Variants in NHSL1 observed in about 807,000 individuals in gnomAD.
NHSL1 encodes the protein NHS like 1.
A neutral mutation model predicts 95.0 loss-of-function variants in NHSL1; 48 were observed. That is an observed-to-expected ratio of 0.51 (90% CI 0.40 to 0.64). NHSL1 has a LOEUF of 0.64. Among genes scored for constraint, NHSL1 ranks in the 30% least tolerant of loss-of-function variants. The pLI, the probability that NHSL1 is intolerant of heterozygous loss-of-function variation, is 0.00. For missense variants in NHSL1, 1,971 were observed against 2,077.7 expected (o/e 0.95, Z 1.00); for synonymous variants, 783 against 833.9 (o/e 0.94, Z 1.05).
At chr6:138,554,397 C>G (rs1311632755) in intron 1 of NHSL1, among the ~76,000 whole-genome samples, 1 of 152,194 alleles carries the variant, frequency 6.6e-6, no homozygotes, top group South Asian at 2.1e-4. Context: ...CAACCTTCAA[C>G]TACAGAAACA....
intron 1 of NHSL1, among the ~76,000 whole-genome samples, chr6:138,663,262 G>C (rs1166879205): frequency 6.6e-6 from 1 of 152,032 alleles, no homozygotes; most frequent in Non-Finnish European, 1.5e-5. Flanking sequence ...ATATGTCTGT[G>C]TATATTAAAA....
At chr6:138,533,298 T>C (rs1782209787) in intron 1 of NHSL1, among the ~76,000 whole-genome samples, 1 of 152,182 alleles carries the variant, frequency 6.6e-6, no homozygotes, top group South Asian at 2.1e-4. Flanking sequence ...GGATGGTGGC[T>C]CACGCCTGTA....
At chr6:138,601,617 T>C (rs1336939658) in intron 1 of NHSL1, among the ~76,000 whole-genome samples, 3 of 151,974 alleles carry the variant, frequency 2.0e-5, no homozygotes, top group Admixed American at 6.6e-5. Flanking sequence ...ATCAAGACCA[T>C]CCTGGCCAAC....
chr6:138,498,966 C>CAAAA (rs1780516879), intron 1 of NHSL1, among the ~76,000 whole-genome samples: 1 of 152,166 alleles, frequency 6.6e-6, no homozygotes, highest in African/African-American at 2.4e-5. Context: ...AAACCCCAAT[C>CAAAA]ATAAATAAAT....
chr6:138,578,170 C>T (rs1334146083), intron 1 of NHSL1, among the ~76,000 whole-genome samples: 3 of 152,218 alleles, frequency 2.0e-5, no homozygotes, highest in African/African-American at 7.2e-5. Flanking sequence ...AAGGGAAAGA[C>T]TCAACACAAA....
chr6:138,445,437 C>A (rs12174378), intron 4 of NHSL1, among the ~76,000 whole-genome samples: 9,508 of 151,794 alleles, frequency 0.063, 797 homozygotes, highest in East Asian at 0.36. Context: ...AATATGATCT[C>A]GGTAAATAAG....
intron 1 of NHSL1, among the ~76,000 whole-genome samples, chr6:138,510,395 T>G (rs1338762008): frequency 6.6e-6 from 1 of 152,242 alleles, no homozygotes; most frequent in Non-Finnish European, 1.5e-5. Context: ...CCAGCTGTAC[T>G]TGGTTTTCTA....
upstream of NHSL1, among the ~76,000 whole-genome samples, chr6:138,574,765 T>A (rs527477958): frequency 6.6e-6 from 1 of 151,648 alleles, no homozygotes; most frequent in South Asian, 2.1e-4. Flanking sequence ...GGTGGGAGGA[T>A]CGCTTGAGCC....
chr6:138,623,777 T>C (rs1181511160), intron 1 of NHSL1, among the ~76,000 whole-genome samples: 2 of 150,908 alleles, frequency 1.3e-5, no homozygotes, highest in African/African-American at 2.5e-5. Context: ...GTAACCTCCA[T>C]AATCCCAATA....
intron 4 of NHSL1, among the ~76,000 whole-genome samples, chr6:138,443,629 C>A (rs916616684): frequency 6.6e-6 from 1 of 152,138 alleles, no homozygotes; most frequent in African/African-American, 2.4e-5. Flanking sequence ...GCGTTCAAGA[C>A]CAGTCTAAGC....
intron 1 of NHSL1, among the ~76,000 whole-genome samples, chr6:138,612,794 T>C (rs1036012312): frequency 3.3e-5 from 5 of 149,264 alleles, no homozygotes; most frequent in Non-Finnish European, 5.9e-5. Context: ...ACAAAATGAG[T>C]GAGTTTGTGG....
chr6:138,602,227 C>A (rs111892051), intron 1 of NHSL1, among the ~76,000 whole-genome samples: 2 of 152,174 alleles, frequency 1.3e-5, no homozygotes, highest in African/African-American at 4.8e-5. Flanking sequence ...CATGTGTTCA[C>A]GTCTTTGATT....
rs6915584 is a variant in NHSL1, at chr6:138,650,637, T to C, written c.96+41839A>G. 3.1e-3 allele frequency: 1,755 copies of C among 570,414 alleles called. 24 individuals are homozygous for C. Among genetic ancestry groups the C allele is most frequent in the African/African-American group, 0.029 (1,526 of 53,306 alleles). The allele number at this position is 570,414 out of a possible 1,614,324, so 35.3% of individuals were successfully genotyped here. On this transcript the variant is annotated intron_variant, in intron 1 of 3. Transcript: ENST00000491526. ...CCCAATGGAGCTCAGCACGCCACTA[T>C]CCTTGGCTTCCCATCCCACAAACTG...
intron 1 of NHSL1, among the ~76,000 whole-genome samples, chr6:138,622,614 A>C (rs1442942740): frequency 1.3e-5 from 2 of 152,238 alleles, no homozygotes; most frequent in African/African-American, 2.4e-5. Context: ...ATCTGCCATA[A>C]GCCAAGGACT....
At chr6:138,456,207 G>A (rs1399132321) in intron 3 of NHSL1, among the ~76,000 whole-genome samples, 2 of 152,086 alleles carry the variant, frequency 1.3e-5, no homozygotes, top group African/African-American at 2.4e-5. Flanking sequence ...TAAGCAAACC[G>A]GAACATGTGG....
chr6:138,667,115 G>C lies in NHSL1; in HGVS notation c.96+25361C>G, dbSNP rs1344250985. The stretch of plus-strand genomic sequence containing the variant: ...CACTTGCAGCCATTAGCGTTTCAGA[G>C]CTGTGTTCCACCAGATAATTTGGGG... On this transcript the variant is annotated intron_variant, in intron 1 of 3. Coordinates refer to the NHSL1 transcript ENST00000491526. Among the ~76,000 whole-genome samples, 4 of 152,276 alleles carry C rather than the reference G, an allele frequency of 2.6e-5. No individual in the cohort carries two copies. The South Asian group carries it at 6.2e-4, about 24-fold the overall frequency.
At chr6:138,567,183 A>G (rs990582286) in intron 1 of NHSL1, among the ~76,000 whole-genome samples, 2 of 152,062 alleles carry the variant, frequency 1.3e-5, no homozygotes, top group Admixed American at 6.6e-5. Flanking sequence ...GCTGGAATGC[A>G]GTGGTGTGAT....
At chr6:138,450,306 C>A (rs1043088880) in intron 3 of NHSL1, among the ~76,000 whole-genome samples, 7 of 152,172 alleles carry the variant, frequency 4.6e-5, no homozygotes, top group African/African-American at 1.7e-4. Flanking sequence ...AGGATTACTC[C>A]AATTTCCTGA....
intron 1 of NHSL1, among the ~76,000 whole-genome samples, chr6:138,543,129 G>A (rs1237590622): frequency 2.6e-5 from 4 of 152,010 alleles, no homozygotes; most frequent in South Asian, 2.1e-4. Flanking sequence ...CATATTATTC[G>A]CTATTAATCA....
Sources: allele counts gnomAD v4.1 joint callset (sites outside exome capture counted in the v4.1 genomes callset), GRCh38; gene constraint gnomAD v4.1.1; transcripts MANE v1.5; gene names NCBI Gene and HGNC (gene_info 2026-07-23, HGNC 2026-07-21).